Variants in DSC2 observed in about 807,000 individuals in gnomAD.
The protein encoded by DSC2 is desmocollin 2.
A neutral mutation model predicts 87.6 loss-of-function variants in DSC2; 51 were observed. The ratio of observed to expected loss-of-function variants is 0.58; its 90% CI spans 0.46 to 0.74. DSC2 has a LOEUF of 0.74. DSC2 is among the 30% of genes least tolerant of loss of function. The pLI, the probability that DSC2 is intolerant of heterozygous loss-of-function variation, is 0.00. For synonymous variants in DSC2, 383 were observed against 393.2 expected, an observed-to-expected ratio of 0.97 and a Z score of 0.31; for missense variants, 1,066 against 1,089.5, an observed-to-expected ratio of 0.98 and a Z score of 0.30.
At chr18:31,071,495 G>T in intron 13 of DSC2, 110 bp downstream of exon 13, 1 of 936,068 alleles carries the variant, frequency 1.1e-6, no homozygotes, top group Non-Finnish European at 1.7e-6. Context: ...GCAGTGAGCG[G>T]AGATCACACT....
Position 31,074,421 on chromosome 18 carries a change from ATGTGTGTGTGTGTGTGTG to A in DSC2, c.1888+244_1888+261del, listed in dbSNP as rs71175757. On this transcript the variant is annotated intron_variant, in intron 12 of 15. Coordinates refer to ENST00000280904, the MANE Select transcript of DSC2 (RefSeq NM_024422.6). ...AGAGAGAAAGAGAGAAAGAGAAAAA[ATGTGTGTGTGTGTGTGTG>A]TGTGTGTGTGTGTGTGTGTGTGTGT... Among the ~76,000 whole-genome samples the A allele has an allele frequency of 5.0e-3, 702 of 140,046 alleles. 8 individuals carry two copies. The highest frequency in any genetic ancestry group is 0.018 in the African/African-American group (658 of 37,582). 91.9% of individuals were successfully genotyped at this position (140,046 alleles called of 152,430 possible). A position where few individuals can be genotyped will look rare whatever the true frequency, so the allele number is the denominator to read the frequency against.
chr18:31,080,347 C>T lies in DSC2; in HGVS notation c.1269G>A (p.Leu423=), dbSNP rs376049846. 429 of 1,613,586 alleles carry T rather than the reference C, an allele frequency of 2.7e-4. No homozygotes were observed. Among genetic ancestry groups the T allele is most frequent in the Non-Finnish European group, 3.4e-4 (402 of 1,179,844 alleles). ...TCATCTGTTGCTTTTCTTCATAATT[C>T]AAAGGCTACGAAAGCAAATGTATTG... is the stretch of plus-strand genomic sequence containing the variant. The part of the protein sequence containing the change: ...NEGVLCVVKP[L]NYEEKQQMIL... The change falls in exon 10 of 16, where the codon TTG becomes TTA. Residue 423 remains leucine, a synonymous_variant. Coordinates refer to ENST00000280904, the MANE Select transcript of DSC2 (RefSeq NM_024422.6).
chr18:31,068,754 A>C, intron 15 of DSC2, 140 bp downstream of exon 15: 1 of 1,192,720 alleles, frequency 8.4e-7, no homozygotes. Context: ...CTAAATTAAA[A>C]TTGAGGAAAA....
At chr18:31,092,649 C>T (rs1987640279) in intron 2 of DSC2, among the ~76,000 whole-genome samples, 1 of 152,138 alleles carries the variant, frequency 6.6e-6, no homozygotes, top group Admixed American at 6.5e-5. Flanking sequence ...TATACAGAAT[C>T]TAGCAGATGA....
At chr18:31,082,097 G>T (rs1598582771) in intron 9 of DSC2, 141 bp downstream of exon 9, 4 of 742,052 alleles carry the variant, frequency 5.4e-6, no homozygotes, top group Non-Finnish European at 6.4e-6. Context: ...TCTTTCCATT[G>T]TATATGAAGA....
At position 31,060,816 on chromosome 18, in the gene DSC2, C is replaced by A. The variant is rs906074810; in HGVS notation, c.*7199G>T. ...ACATGCATGTAGAAAGTAGAAACCA[C>A]AGGGAACAATGTACATTCTGAAATG... is the stretch of plus-strand genomic sequence containing the variant. On this transcript the variant is annotated 3_prime_UTR_variant, in exon 16 of 16. Transcript: ENST00000280904. The A allele has an allele frequency of 6.6e-6, 1 of 152,170 alleles. No individual in the cohort carries two copies. Among genetic ancestry groups the A allele is most frequent in the African/African-American group, 2.4e-5 (1 of 41,412 alleles). The allele number at this position is 152,170 out of a possible 1,614,324, so 9.4% of individuals were successfully genotyped here.
At chr18:31,078,930 ACAG>A (rs1254453039) in intron 11 of DSC2, among the ~76,000 whole-genome samples, 1 of 152,208 alleles carries the variant, frequency 6.6e-6, no homozygotes, top group Non-Finnish European at 1.5e-5. Flanking sequence ...TATAGAATGC[ACAG>A]AACATAATTT....
intron 4 of DSC2, 101 bp downstream of exon 4, chr18:31,090,927 C>T (rs1247970642): frequency 3.3e-6 from 5 of 1,502,120 alleles, no homozygotes; most frequent in Non-Finnish European, 1.8e-6. Flanking sequence ...CATTCACTCA[C>T]ATATTTATAC....
intron 1 of DSC2, 124 bp from the exon 2 acceptor site, chr18:31,093,767 A>C: frequency 3.6e-6 from 1 of 274,882 alleles, no homozygotes; most frequent in African/African-American, 2.3e-5. Flanking sequence ...ATACTTATAT[A>C]AATGTTAATT....
chr18:31,099,649 G>C (rs1987871861), intron 1 of DSC2, among the ~76,000 whole-genome samples: 1 of 152,088 alleles, frequency 6.6e-6, no homozygotes, highest in South Asian at 2.1e-4. Context: ...CTACAAGGTG[G>C]AACCATATAA....
intron 1 of DSC2, chr18:31,101,170 GA>G (rs1378113783): frequency 1.6e-5 from 16 of 984,684 alleles, no homozygotes; most frequent in Non-Finnish European, 1.9e-5. Flanking sequence ...AAGATTTAGG[GA>G]ACTGAAGCCT....
Position 31,071,759 on chromosome 18 carries a change from G to T in DSC2, c.1971C>A (p.Gly657=), listed in dbSNP as rs397517396. 3.3e-5 allele frequency: 54 copies of T among 1,613,718 alleles called. No homozygotes were observed. The East Asian group carries it at 1.2e-3, about 35-fold the overall frequency. ...CATCCAATGAAGTGACACTAGACAT[G>T]CCAAGTCTATCTCTCACTGTTATAG... The part of the protein sequence containing the change: ...VVPITVRDRL[G]MSSVTSLDVT... The change falls in exon 13 of 16, where the codon GGC becomes GGA. Residue 657 remains glycine (G), a synonymous_variant. Transcript: ENST00000280904.
At position 31,067,145 on chromosome 18, in the gene DSC2, T is replaced by C. The variant is rs1338349162; in HGVS notation, c.*870A>G. 1 of 150,064 alleles carries C rather than the reference T, an allele frequency of 6.7e-6. No individual in the cohort carries two copies. The highest frequency in any genetic ancestry group is 1.5e-5 in the Non-Finnish European group (1 of 67,506). 9.3% of individuals were successfully genotyped at this position (150,064 alleles called of 1,614,324 possible). A position where few individuals can be genotyped will look rare whatever the true frequency, so the allele number is the denominator to read the frequency against. On this transcript the variant is annotated 3_prime_UTR_variant, in exon 16 of 16. Coordinates refer to ENST00000280904, the MANE Select transcript of DSC2 (RefSeq NM_024422.6). ...CAATGATTTCAAGAAAAACTAAGAA[T>C]ATATACACTTACATAAAACAAAAAA...
rs1040826362 is a variant in DSC2 at position 31,092,387 on chromosome 18, A to C, written c.155-87T>G. ...AATGTATGCACGTGGGGAGAGCCAA[A>C]AACTTAAAATTCATTATACTGACAC... On this transcript the variant is annotated intron_variant, in intron 2 of 15. Coordinates refer to ENST00000280904, the MANE Select transcript of DSC2 (RefSeq NM_024422.6). 85 of 1,162,626 alleles carry C rather than the reference A, an allele frequency of 7.3e-5. No homozygotes were observed. In the Middle Eastern group the frequency reaches 9.8e-4, roughly 13 times the overall value. The allele number at this position is 1,162,626 out of a possible 1,614,324, so 72.0% of individuals were successfully genotyped here.
chr18:31,072,689 T>C (rs1358813135), intron 12 of DSC2, among the ~76,000 whole-genome samples: 1 of 152,200 alleles, frequency 6.6e-6, no homozygotes, highest in Non-Finnish European at 1.5e-5. Context: ...AGACTAGATA[T>C]ACTACTACTC....
intron 12 of DSC2, among the ~76,000 whole-genome samples, chr18:31,072,826 T>G (rs1007979373): frequency 1.3e-5 from 2 of 152,172 alleles, no homozygotes; most frequent in African/African-American, 4.8e-5. Context: ...AAAAACACAT[T>G]GAATTAAGTC....
intron 1 of DSC2, 133 bp downstream of exon 1, chr18:31,101,770 A>T: frequency 1.5e-5 from 5 of 325,584 alleles, no homozygotes; most frequent in Non-Finnish European, 2.1e-5. Context: ...CGCCAACTCC[A>T]TTTTCTAGCC....
chr18:31,078,151 A>G (rs1987083225), intron 11 of DSC2, among the ~76,000 whole-genome samples: 1 of 152,210 alleles, frequency 6.6e-6, no homozygotes, highest in South Asian at 2.1e-4. Flanking sequence ...GGTTTCCATT[A>G]GGGAGTGGCA....
chr18:31,091,754 G>A (rs537040285), intron 3 of DSC2, among the ~76,000 whole-genome samples: 3 of 152,188 alleles, frequency 2.0e-5, no homozygotes, highest in Non-Finnish European at 2.9e-5. Context: ...AAATGAATGC[G>A]AGAAAAAAGC....
Sources: gnomAD v4.1 joint callset for allele counts (sites outside exome capture counted in the v4.1 genomes callset) on GRCh38, gnomAD v4.1.1 for gene constraint, MANE v1.5 for transcripts, NCBI Gene and HGNC (gene_info 2026-07-23, HGNC 2026-07-21) for gene names.